EYA2: variants seen among roughly 807,000 people sequenced by gnomAD.
EYA2 encodes the protein protein phosphatase EYA2.
Under a neutral mutation model 69.2 loss-of-function variants are expected in EYA2, and 31 were observed. The ratio of observed to expected loss-of-function variants is 0.45; its 90% CI spans 0.34 to 0.60. EYA2 has a LOEUF of 0.60. EYA2 is among the 20% of genes least tolerant of loss of function. The pLI is 0.02. For missense variants in EYA2, 622 were observed against 701.2 expected, an observed-to-expected ratio of 0.89 and a Z score of 1.28; for synonymous variants, 257 against 279.4, an observed-to-expected ratio of 0.92 and a Z score of 0.80.
intron 9 of EYA2, among the ~76,000 whole-genome samples, chr20:47,135,408 C>A (rs1332967886): frequency 6.6e-6 from 1 of 151,932 alleles, no homozygotes; most frequent in Non-Finnish European, 1.5e-5. Context: ...GGCTTAGAGC[C>A]CACCTTCTTC....
intron 1 of EYA2, among the ~76,000 whole-genome samples, chr20:46,977,646 C>A (rs527803999): frequency 2.4e-4 from 36 of 152,346 alleles, no homozygotes; most frequent in African/African-American, 7.7e-4. Flanking sequence ...CAGCCTGACT[C>A]AATGAATGAA....
intron 1 of EYA2, among the ~76,000 whole-genome samples, chr20:46,965,669 C>T (rs530636458): frequency 1.1e-3 from 164 of 152,376 alleles, no homozygotes; most frequent in Admixed American, 2.8e-3. Context: ...TTCAGGCCCA[C>T]GCTTGTTCAG....
intron 14 of EYA2, among the ~76,000 whole-genome samples, chr20:47,182,167 C>G (rs554215226): frequency 1.3e-5 from 2 of 152,088 alleles, no homozygotes; most frequent in East Asian, 3.9e-4. Context: ...AGGCGTGCAC[C>G]ACTACACCGA....
At chr20:46,924,748 C>G (rs1318454733) in intron 1 of EYA2, among the ~76,000 whole-genome samples, 1 of 150,002 alleles carries the variant, frequency 6.7e-6, no homozygotes, top group Non-Finnish European at 1.5e-5. Flanking sequence ...AAACCCTTCT[C>G]TATCACCAAT....
intron 5 of EYA2, among the ~76,000 whole-genome samples, chr20:47,035,805 C>T (rs1257658020): frequency 6.6e-6 from 1 of 150,990 alleles, no homozygotes; most frequent in Non-Finnish European, 1.5e-5. Flanking sequence ...ACTAGAAGTT[C>T]GAGACCAGCC....
chr20:47,080,277 G>A (rs553462820), intron 7 of EYA2, among the ~76,000 whole-genome samples: 66 of 151,976 alleles, frequency 4.3e-4, no homozygotes, highest in African/African-American at 1.6e-3. Flanking sequence ...AAATTAAAAA[G>A]CACTTGGAAC....
At chr20:47,067,680 T>C (rs970712635) in intron 5 of EYA2, among the ~76,000 whole-genome samples, 1 of 152,208 alleles carries the variant, frequency 6.6e-6, no homozygotes, top group Non-Finnish European at 1.5e-5. Flanking sequence ...AGAGGAACTA[T>C]CTTAAATGAC....
At chr20:46,906,764 G>A (rs1984377761) in intron 1 of EYA2, among the ~76,000 whole-genome samples, 1 of 152,116 alleles carries the variant, frequency 6.6e-6, no homozygotes, top group South Asian at 2.1e-4. Flanking sequence ...GTGGGAGTAT[G>A]GTTCTAGAGT....
At chr20:46,900,133 CTG>C (rs1984022687) in intron 1 of EYA2, among the ~76,000 whole-genome samples, 1 of 151,954 alleles carries the variant, frequency 6.6e-6, no homozygotes, top group Admixed American at 6.5e-5. Flanking sequence ...TTTTAAAAGT[CTG>C]TGTTCCCAGA....
rs187536806 is a variant in EYA2 at position 46,941,963 on chromosome 20, G to A, written c.-11+46976G>A. On this transcript the variant is annotated intron_variant, in intron 1 of 15. Transcript: ENST00000327619. ...TGCAGAGATGGGATCTCACTATGTC[G>A]CCCAGCTGGTCTCAAACTCCTGGGT... Among the ~76,000 whole-genome samples the A allele has an allele frequency of 9.9e-5, 15 of 151,878 alleles. 1 individual carries two copies. The highest frequency in any genetic ancestry group is 6.6e-4 in the Admixed American group (10 of 15,254).
intron 10 of EYA2, 33 bp from the exon 11 acceptor site, chr20:47,169,106 T>C: frequency 1.9e-6 from 3 of 1,590,806 alleles, no homozygotes; most frequent in Non-Finnish European, 2.6e-6. Flanking sequence ...GCATGTTCTC[T>C]CTCTCTCTCT....
chr20:47,070,594 G>A (rs2031278316), intron 5 of EYA2, among the ~76,000 whole-genome samples: 1 of 152,220 alleles, frequency 6.6e-6, no homozygotes, highest in Non-Finnish European at 1.5e-5. Context: ...GTATGTGAAT[G>A]CTTATATTGC....
intron 1 of EYA2, among the ~76,000 whole-genome samples, chr20:46,895,907 G>A (rs1240323521): frequency 6.6e-6 from 1 of 152,214 alleles, no homozygotes; most frequent in Non-Finnish European, 1.5e-5. Context: ...CCCCGAAGCC[G>A]AGGCTGAGAG....
intron 5 of EYA2, among the ~76,000 whole-genome samples, chr20:47,051,209 G>A (rs1479251397): frequency 5.3e-5 from 8 of 152,218 alleles, no homozygotes; most frequent in Admixed American, 1.3e-4. Flanking sequence ...GCATCGCTTC[G>A]CCATTGCAGT....
chr20:47,050,306 C>G (rs1191159644), intron 5 of EYA2, among the ~76,000 whole-genome samples: 1 of 152,166 alleles, frequency 6.6e-6, no homozygotes, highest in Non-Finnish European at 1.5e-5. Flanking sequence ...AAATATAAAA[C>G]AAACACAAAA....
intron 8 of EYA2, among the ~76,000 whole-genome samples, chr20:47,094,049 C>T (rs1016669030): frequency 6.6e-6 from 1 of 152,210 alleles, no homozygotes; most frequent in Non-Finnish European, 1.5e-5. Flanking sequence ...TAAGGACGCA[C>T]CCTGGTCTGC....
chr20:47,095,033 A>G (rs1392787710), intron 8 of EYA2, among the ~76,000 whole-genome samples: 1 of 152,096 alleles, frequency 6.6e-6, no homozygotes, highest in African/African-American at 2.4e-5. Flanking sequence ...TTTTTTAATT[A>G]AAAACAATAA....
intron 8 of EYA2, among the ~76,000 whole-genome samples, chr20:47,090,718 A>G (rs144286555): frequency 5.3e-4 from 80 of 152,294 alleles, no homozygotes; most frequent in African/African-American, 1.7e-3. Context: ...CCCTAATACA[A>G]TATAACTTTG....
intron 1 of EYA2, among the ~76,000 whole-genome samples, chr20:46,961,205 C>T (rs1419873304): frequency 2.0e-5 from 3 of 151,984 alleles, no homozygotes; most frequent in Non-Finnish European, 2.9e-5. Context: ...CGTGGTGGTG[C>T]GTGCCAGCTA....
Sources: gnomAD v4.1 joint callset for allele counts (sites outside exome capture counted in the v4.1 genomes callset) on GRCh38, gnomAD v4.1.1 for gene constraint, MANE v1.5 for transcripts, NCBI Gene and HGNC (gene_info 2026-07-23, HGNC 2026-07-21) for gene names.